MUSK: variants seen among roughly 807,000 people sequenced by gnomAD.
MUSK encodes muscle associated receptor tyrosine kinase, also known as muscle, skeletal receptor tyrosine-protein kinase.
Under a neutral mutation model 88.7 loss-of-function variants are expected in MUSK, and 55 were observed. The observed-to-expected ratio is 0.62, with a 90% CI of 0.50 to 0.78. The LOEUF is 0.78. Among genes scored for constraint, MUSK ranks in the 30% least tolerant of loss-of-function variants. MUSK has a pLI of 0.00. For missense variants in MUSK, 1,015 were observed against 1,074.3 expected (o/e 0.94, Z 0.77); for synonymous variants, 387 against 391.9 (o/e 0.99, Z 0.15).
chr9:110,708,752 T>G (rs894160730), intron 5 of MUSK, among the ~76,000 whole-genome samples: 5 of 152,164 alleles, frequency 3.3e-5, no homozygotes, highest in African/African-American at 1.2e-4. Context: ...AAAAGTCACT[T>G]GTATAATAAT....
In MUSK at chr9:110,787,679, G is replaced by T. The variant is rs200058230; in HGVS notation, c.1779-11G>T. On this transcript the variant is annotated splice_polypyrimidine_tract_variant and intron_variant, in intron 13 of 14. Coordinates refer to ENST00000374448, the MANE Select transcript of MUSK (RefSeq NM_005592.4). ...ATCTTTGGTTTCTTTTTCAATAAAT[G>T]TATCTCTCAGGGCACCAGGCTTACT... is the stretch of plus-strand genomic sequence containing the variant. 1.9e-6 allele frequency: 3 copies of T among 1,609,680 alleles called. No individual in the cohort carries two copies. Among genetic ancestry groups the T allele is most frequent in the African/African-American group, 2.7e-5 (2 of 74,652 alleles).
intron 9 of MUSK, among the ~76,000 whole-genome samples, chr9:110,769,899 T>C (rs2077542579): frequency 6.6e-6 from 1 of 152,138 alleles, no homozygotes; most frequent in Admixed American, 6.5e-5. Context: ...AATAATTAGA[T>C]TAGAAAAATT....
At chr9:110,768,462 C>T (rs867011933) in intron 9 of MUSK, among the ~76,000 whole-genome samples, 13 of 152,306 alleles carry the variant, frequency 8.5e-5, no homozygotes, top group Admixed American at 1.3e-4. Flanking sequence ...CACCACTGCA[C>T]TCCAGCCTGA....
chr9:110,787,700 T>G lies in MUSK; in HGVS notation c.1789T>G (p.Leu597Val). The G allele has an allele frequency of 6.2e-7, 1 of 1,613,726 alleles. No individual in the cohort carries two copies. The highest frequency in any genetic ancestry group is 8.5e-7 in the Non-Finnish European group (1 of 1,179,830). The change falls in exon 14 of 15, where the codon TTA (leucine) becomes GTA (valine). Residue 597 changes from leucine to valine, a missense_variant. Coordinates refer to ENST00000374448, the MANE Select transcript of MUSK (RefSeq NM_005592.4). ...AAATGTATCTCTCAGGGCACCAGGC[T>G]TACTTCCCTATGAACCTTTCACTAT... ...GRVFQARAPG[L>V]LPYEPFTMVA...
chr9:110,769,265 T>C (rs2077530854), intron 9 of MUSK, among the ~76,000 whole-genome samples: 1 of 152,218 alleles, frequency 6.6e-6, no homozygotes, highest in Non-Finnish European at 1.5e-5. Flanking sequence ...ACTCTCTATT[T>C]AGCATTCAAT....
Position 110,787,661 on chromosome 9 carries a change from G to C in MUSK, c.1779-29G>C, listed in dbSNP as rs200440555. The C allele has an allele frequency of 3.0e-5, 49 of 1,607,688 alleles. No homozygotes were observed. The Middle Eastern group carries it at 5.0e-4, about 16-fold the overall frequency. The stretch of plus-strand genomic sequence containing the variant: ...AAAGATATGATGTCCATGATCTTTG[G>C]TTTCTTTTTCAATAAATGTATCTCT... On this transcript the variant is annotated intron_variant, in intron 13 of 14. Coordinates refer to ENST00000374448, the MANE Select transcript of MUSK (RefSeq NM_005592.4).
At chr9:110,740,207 A>G (rs953733235) in intron 6 of MUSK, among the ~76,000 whole-genome samples, 6 of 152,156 alleles carry the variant, frequency 3.9e-5, no homozygotes, top group Non-Finnish European at 5.9e-5. Context: ...CCAGGATTAC[A>G]TTAGTATTTA....
chr9:110,755,786 G>A (rs1296654049), intron 7 of MUSK, among the ~76,000 whole-genome samples: 2 of 151,494 alleles, frequency 1.3e-5, no homozygotes, highest in Non-Finnish European at 2.9e-5. Context: ...AGGAGAAGAG[G>A]ATTTACAAGG....
chr9:110,777,222 T>C (rs965010466), intron 11 of MUSK, among the ~76,000 whole-genome samples: 1 of 152,154 alleles, frequency 6.6e-6, no homozygotes, highest in East Asian at 1.9e-4. Flanking sequence ...CAAAATAACT[T>C]GTATCAGATA....
Position 110,679,317 on chromosome 9 carries a change from A to T in MUSK, c.80-3357A>T, listed in dbSNP as rs545260656. On this transcript the variant is annotated intron_variant, in intron 1 of 14. Coordinates refer to ENST00000374448, the MANE Select transcript of MUSK (RefSeq NM_005592.4). Reference sequence around the variant, plus strand: ...CTTTTTAGGGCTTGTTCCTTTTATCATTAAGCAATGTTTCTTTTTTTCTTA... The same window carrying T: ...CTTTTTAGGGCTTGTTCCTTTTATCTTTAAGCAATGTTTCTTTTTTTCTTA... 5.7e-4 allele frequency among the ~76,000 whole-genome samples: 87 copies of T among 152,112 alleles called. No homozygotes were observed. The South Asian group carries it at 6.4e-3, about 11-fold the overall frequency.
intron 14 of MUSK, among the ~76,000 whole-genome samples, chr9:110,799,266 A>T (rs572461691): frequency 6.6e-6 from 1 of 152,284 alleles, no homozygotes; most frequent in Non-Finnish European, 1.5e-5. Flanking sequence ...AACCCAATAG[A>T]TCTAATAATC....
chr9:110,754,065 T>A (rs2077281832), intron 7 of MUSK, among the ~76,000 whole-genome samples: 1 of 152,202 alleles, frequency 6.6e-6, no homozygotes, highest in Non-Finnish European at 1.5e-5. Flanking sequence ...GTAAAGAGTG[T>A]TCTTATCAAC....
In MUSK at chr9:110,787,694, C is replaced by A. The variant is rs202004848; in HGVS notation, c.1783C>A (p.Pro595Thr). 84 of 1,613,312 alleles carry A rather than the reference C, an allele frequency of 5.2e-5. No individual in the cohort carries two copies. Among genetic ancestry groups the A allele is most frequent in the Non-Finnish European group, 7.6e-6 (9 of 1,179,676 alleles). ...TTCAATAAATGTATCTCTCAGGGCA[C>A]CAGGCTTACTTCCCTATGAACCTTT... ...AFGRVFQARA[P>T]GLLPYEPFTM... The change falls in exon 14 of 15, where the codon CCA becomes ACA. Residue 595 changes from proline (P) to threonine (T), a missense_variant. By Grantham distance (38) the Pro-to-Thr change is conservative. Transcript: ENST00000374448.
In MUSK at chr9:110,804,368, T is replaced by C. The variant is rs547359388; in HGVS notation, c.*3380T>C. Among the ~76,000 whole-genome samples, 1 of 152,284 alleles carries C rather than the reference T, an allele frequency of 6.6e-6. No homozygotes were observed. Among genetic ancestry groups the C allele is most frequent in the South Asian group, 2.1e-4 (1 of 4,826 alleles). Reference sequence around the variant, plus strand: ...TCTGCAGAAATATTACTGCCACTTCTACATTGTACAAGAGATCTCATAGCC... The same window carrying C: ...TCTGCAGAAATATTACTGCCACTTCCACATTGTACAAGAGATCTCATAGCC... On this transcript the variant is annotated 3_prime_UTR_variant, in exon 15 of 15. Coordinates refer to ENST00000374448, the MANE Select transcript of MUSK (RefSeq NM_005592.4).
chr9:110,725,230 C>G (rs1221672358), intron 5 of MUSK, among the ~76,000 whole-genome samples: 1 of 151,984 alleles, frequency 6.6e-6, no homozygotes, highest in East Asian at 1.9e-4. Context: ...ATAAGAATGA[C>G]ACATTAGACT....
At chr9:110,764,623 ATAGATAGATAGATAGG>A (rs2077450180) in intron 8 of MUSK, among the ~76,000 whole-genome samples, 1 of 149,938 alleles carries the variant, frequency 6.7e-6, no homozygotes, top group Non-Finnish European at 1.5e-5. Flanking sequence ...AGATAGATAG[ATAGATAGATAGATAGG>A]TAGGTAGATC....
intron 9 of MUSK, among the ~76,000 whole-genome samples, chr9:110,771,161 C>CTTTTTTTTTGTTT (rs2077567622): frequency 1.0e-5 from 1 of 96,434 alleles, no homozygotes; most frequent in Non-Finnish European, 1.9e-5. Context: ...TCATTTCCTT[C>CTTTTTTTTTGTTT]TTTTTTTTTT....
At chr9:110,756,540 T>TAAA (rs145365346) in intron 7 of MUSK, among the ~76,000 whole-genome samples, 18 of 143,860 alleles carry the variant, frequency 1.3e-4, no homozygotes, top group African/African-American at 4.5e-4. Flanking sequence ...GTAATATTAT[T>TAAA]AAAAAAAAAA....
At chr9:110,791,259 G>A (rs1043796417) in intron 14 of MUSK, among the ~76,000 whole-genome samples, 5 of 143,072 alleles carry the variant, frequency 3.5e-5, no homozygotes, top group East Asian at 4.2e-4. Flanking sequence ...TGTGCGCACC[G>A]TGCGCGAGCC....
Sources: gnomAD v4.1 joint callset for allele counts (sites outside exome capture counted in the v4.1 genomes callset) on GRCh38, gnomAD v4.1.1 for gene constraint, MANE v1.5 for transcripts, NCBI Gene and HGNC (gene_info 2026-07-23, HGNC 2026-07-21) for gene names.